The following IMMP2L variants were observed in gnomAD, a reference collection of about 807,000 sequenced individuals.
IMMP2L encodes mitochondrial inner membrane protease subunit 2.
Under a neutral mutation model 19.3 loss-of-function variants are expected in IMMP2L, and 18 were observed. The ratio of observed to expected loss-of-function variants is 0.93; its 90% CI spans 0.64 to 1.38. The LOEUF (loss-of-function observed/expected upper bound fraction) is 1.38, where lower values mean the gene tolerates loss of function less well. Among genes scored for constraint, IMMP2L ranks in the 40% most tolerant of loss-of-function variants. IMMP2L has a pLI of 0.00. For missense variants in IMMP2L, 233 were observed against 218.2 expected (o/e 1.07, Z -0.43); for synonymous variants, 76 against 73.0 (o/e 1.04, Z -0.21).
At chr7:111,000,150 G>T (rs1039885757) in intron 3 of IMMP2L, among the ~76,000 whole-genome samples, 3 of 152,126 alleles carry the variant, frequency 2.0e-5, no homozygotes, top group Non-Finnish European at 2.9e-5. Flanking sequence ...AGAAATTGGG[G>T]AGAGGAATGG....
At chr7:111,091,818 TG>T (rs1796895817) in intron 3 of IMMP2L, among the ~76,000 whole-genome samples, 1 of 142,222 alleles carries the variant, frequency 7.0e-6, no homozygotes, top group South Asian at 2.3e-4. Flanking sequence ...AAGGGAACAG[TG>T]GGGGAGAAGA....
intron 3 of IMMP2L, among the ~76,000 whole-genome samples, chr7:111,214,444 G>C (rs1370810828): frequency 7.6e-6 from 1 of 130,828 alleles, no homozygotes; most frequent in Non-Finnish European, 1.6e-5. Flanking sequence ...CTGGGTTCAA[G>C]TGATTCTCCT....
chr7:111,388,208 C>T (rs934255725), intron 3 of IMMP2L, among the ~76,000 whole-genome samples: 2 of 151,722 alleles, frequency 1.3e-5, no homozygotes, highest in African/African-American at 2.4e-5. Context: ...ACAGCAAGAC[C>T]GGGACCAAAT....
chr7:111,058,572 G>T (rs1439682900), intron 3 of IMMP2L, among the ~76,000 whole-genome samples: 2 of 152,196 alleles, frequency 1.3e-5, no homozygotes, highest in African/African-American at 2.4e-5. Flanking sequence ...GCGCATTTAT[G>T]AATTGGGATG....
intron 3 of IMMP2L, among the ~76,000 whole-genome samples, chr7:110,991,816 C>T (rs1026441475): frequency 2.0e-5 from 3 of 152,070 alleles, no homozygotes; most frequent in Non-Finnish European, 4.4e-5. Context: ...CCACAATAAC[C>T]GTCCACCCCT....
intron 4 of IMMP2L, chr7:110,962,614 A>C (rs939416251): frequency 4.3e-5 from 20 of 462,980 alleles, no homozygotes; most frequent in Non-Finnish European, 5.4e-5. Context: ...CTTTAGTATT[A>C]TTAGGAAAGT....
chr7:111,331,632 C>T (rs1443177398), intron 3 of IMMP2L, among the ~76,000 whole-genome samples: 2 of 151,692 alleles, frequency 1.3e-5, no homozygotes, highest in Non-Finnish European at 2.9e-5. Flanking sequence ...TTTAATTATT[C>T]CACATTGTAT....
At chr7:110,869,825 T>C (rs936583794) in intron 5 of IMMP2L, among the ~76,000 whole-genome samples, 6 of 152,154 alleles carry the variant, frequency 3.9e-5, no homozygotes, top group African/African-American at 1.2e-4. Flanking sequence ...TTTGGCTCCA[T>C]CCTTCTTTCT....
chr7:111,353,768 A>G (rs1828418481), intron 3 of IMMP2L, among the ~76,000 whole-genome samples: 1 of 152,156 alleles, frequency 6.6e-6, no homozygotes, highest in African/African-American at 2.4e-5. Flanking sequence ...CTCAGAATAT[A>G]CAACTTAATA....
intron 4 of IMMP2L, chr7:110,962,612 T>G: frequency 2.3e-6 from 1 of 443,340 alleles, no homozygotes; most frequent in Non-Finnish European, 3.0e-6. Flanking sequence ...CACTTTAGTA[T>G]TATTAGGAAA....
chr7:110,816,491 G>A (rs933389280), intron 5 of IMMP2L, among the ~76,000 whole-genome samples: 4 of 151,672 alleles, frequency 2.6e-5, no homozygotes, highest in African/African-American at 9.7e-5. Context: ...TCTGCTTGGT[G>A]CAGAGCTGAG....
intron 5 of IMMP2L, among the ~76,000 whole-genome samples, chr7:110,720,273 A>G (rs1209084806): frequency 6.6e-6 from 1 of 152,168 alleles, no homozygotes; most frequent in Non-Finnish European, 1.5e-5. Flanking sequence ...GTATAATTCT[A>G]TTTATTCTAG....
chr7:110,913,460 AAG>A (rs1813270250), intron 4 of IMMP2L, among the ~76,000 whole-genome samples: 2 of 152,164 alleles, frequency 1.3e-5, no homozygotes, highest in African/African-American at 4.8e-5. Context: ...ATAGCAAAAA[AAG>A]AAAAAAGAAA....
intron 3 of IMMP2L, among the ~76,000 whole-genome samples, chr7:110,966,626 GT>G: frequency 6.6e-6 from 1 of 151,928 alleles, no homozygotes; most frequent in East Asian, 1.9e-4. Context: ...TATAATTAAA[GT>G]TTTACAAATT....
chr7:111,030,100 G>C (rs1054262723), intron 3 of IMMP2L, among the ~76,000 whole-genome samples: 57 of 152,058 alleles, frequency 3.7e-4, no homozygotes, highest in African/African-American at 1.3e-3. Flanking sequence ...AGGAATATTG[G>C]ATTCTGCCCC....
intron 3 of IMMP2L, among the ~76,000 whole-genome samples, chr7:111,164,048 G>T (rs1329170473): frequency 6.8e-6 from 1 of 147,764 alleles, no homozygotes; most frequent in African/African-American, 2.5e-5. Flanking sequence ...ACAGAACACT[G>T]GTAAAGGCAT....
At chr7:111,514,839 CTA>C (rs1845744029) in intron 2 of IMMP2L, among the ~76,000 whole-genome samples, 1 of 151,832 alleles carries the variant, frequency 6.6e-6, no homozygotes, top group Non-Finnish European at 1.5e-5. Context: ...AATATTCATA[CTA>C]TGAGGATAAG....
chr7:111,100,567 T>G (rs1289837083), intron 3 of IMMP2L, among the ~76,000 whole-genome samples: 1 of 150,550 alleles, frequency 6.6e-6, no homozygotes, highest in Non-Finnish European at 1.5e-5. Flanking sequence ...AATATAATGA[T>G]AATGAACACT....
At chr7:110,983,553 T>C (rs1243458419) in intron 3 of IMMP2L, among the ~76,000 whole-genome samples, 1 of 152,054 alleles carries the variant, frequency 6.6e-6, no homozygotes, top group South Asian at 2.1e-4. Context: ...TTTTAATATA[T>C]ATCATTGCAA....
Sources: allele counts gnomAD v4.1 joint callset (sites outside exome capture counted in the v4.1 genomes callset), GRCh38; gene constraint gnomAD v4.1.1; transcripts MANE v1.5; gene names NCBI Gene and HGNC (gene_info 2026-07-23, HGNC 2026-07-21).